Variants in CHN2 observed in about 807,000 individuals in gnomAD.
CHN2 encodes the protein beta-chimaerin.
CHN2 carries 35 observed loss-of-function variants against 56.3 expected under a neutral mutation model. The observed-to-expected ratio is 0.62, with a 90% confidence interval of 0.47 to 0.82. CHN2 has a LOEUF of 0.82. Among genes scored for constraint, CHN2 ranks in the 40% least tolerant of loss-of-function variants. The pLI, the probability that CHN2 is intolerant of heterozygous loss-of-function variation, is 0.00. For missense variants in CHN2, 491 were observed against 580.5 expected, an observed-to-expected ratio of 0.85 and a Z score of 1.58; for synonymous variants, 210 against 212.8, an observed-to-expected ratio of 0.99 and a Z score of 0.12.
At chr7:29,165,356 A>G (rs189520396) in intron 2 of CHN2, among the ~76,000 whole-genome samples, 1 of 152,204 alleles carries the variant, frequency 6.6e-6, no homozygotes, top group African/African-American at 2.4e-5. Flanking sequence ...AACAAAATTG[A>G]TTTTTATATA....
chr7:29,160,721 C>T (rs2073464799), intron 2 of CHN2, among the ~76,000 whole-genome samples: 1 of 152,140 alleles, frequency 6.6e-6, no homozygotes, highest in South Asian at 2.1e-4. Flanking sequence ...TGAGGAAAAA[C>T]CACATATGCA....
intron 1 of CHN2, among the ~76,000 whole-genome samples, chr7:29,275,884 T>C (rs1033957516): frequency 6.6e-6 from 1 of 152,172 alleles, no homozygotes; most frequent in Non-Finnish European, 1.5e-5. Flanking sequence ...AATGTTGTGC[T>C]CTGCAGGTGA....
At chr7:29,472,198 C>A (rs555295038) in intron 6 of CHN2, among the ~76,000 whole-genome samples, 10 of 151,324 alleles carry the variant, frequency 6.6e-5, no homozygotes, top group African/African-American at 2.4e-4. Context: ...TAGCAAAAAA[C>A]CAGAGTGGAC....
intron 2 of CHN2, chr7:29,184,319 ATC>A (rs1468440632): frequency 6.6e-6 from 1 of 151,656 alleles, no homozygotes; most frequent in Admixed American, 6.6e-5. Context: ...TATATCTCAT[ATC>A]TCATACATCT....
chr7:29,322,410 C>G (rs1477196052), intron 1 of CHN2, among the ~76,000 whole-genome samples: 2 of 152,230 alleles, frequency 1.3e-5, no homozygotes, highest in Non-Finnish European at 2.9e-5. Context: ...GATGATGGAA[C>G]AGCCTTTGCC....
intron 6 of CHN2, among the ~76,000 whole-genome samples, chr7:29,434,330 A>G (rs1173502358): frequency 6.6e-6 from 1 of 152,072 alleles, no homozygotes; most frequent in African/African-American, 2.4e-5. Context: ...CAGTTTCATC[A>G]GGCTGCTATA....
rs893700373 is a variant in CHN2, at chr7:29,242,884, C to CT, written c.49+47905dup. On this transcript the variant is annotated intron_variant, in intron 1 of 12. Coordinates refer to ENST00000222792, the MANE Select transcript of CHN2 (RefSeq NM_004067.4). Reference sequence around the variant, plus strand: ...TGCTTGTCTTTTTATTTCATGACAACTTTTTTTTTTTCTGGAAATGAGCTT... The same window carrying CT: ...TGCTTGTCTTTTTATTTCATGACAACTTTTTTTTTTTTCTGGAAATGAGCTT... Among the ~76,000 whole-genome samples, 133 of 142,770 alleles carry CT rather than the reference C, an allele frequency of 9.3e-4. No homozygotes were observed. In the Middle Eastern group the frequency reaches 0.011, roughly 12 times the overall value. 93.7% of individuals were successfully genotyped at this position (142,770 alleles called of 152,430 possible).
In CHN2 at chr7:29,463,864, C is replaced by G. The variant is rs1785360401; in HGVS notation, c.577-16415C>G. 2.6e-5 allele frequency among the ~76,000 whole-genome samples: 4 copies of G among 152,304 alleles called. No homozygotes were observed. In the South Asian group the frequency reaches 8.3e-4, roughly 32 times the overall value. ...GAGTGCCCAGCAGTGGTGCCTCCTGCCCTGCCTGCCTGCCTGGCACCGACA... is the reference window on the plus strand; with the variant it reads ...GAGTGCCCAGCAGTGGTGCCTCCTGGCCTGCCTGCCTGCCTGGCACCGACA... On this transcript the variant is annotated intron_variant, in intron 6 of 12. Coordinates refer to ENST00000222792, the MANE Select transcript of CHN2 (RefSeq NM_004067.4).
chr7:29,147,173 G>A (rs2128682896), intron 2 of CHN2: 1 of 648,878 alleles, frequency 1.5e-6, no homozygotes, highest in Non-Finnish European at 2.6e-6. Context: ...TGGGCATCGA[G>A]CCAGACAGTA....
intron 1 of CHN2, among the ~76,000 whole-genome samples, chr7:29,289,292 G>C (rs1305686964): frequency 3.9e-5 from 6 of 152,230 alleles, no homozygotes; most frequent in Non-Finnish European, 8.8e-5. Context: ...GCTGAGGCTA[G>C]AGGAGGAAAT....
chr7:29,220,702 C>T (rs245936), intron 1 of CHN2, among the ~76,000 whole-genome samples: 61,144 of 151,920 alleles, frequency 0.4, 12,558 homozygotes, highest in East Asian at 0.54. Flanking sequence ...ATTGCTTTAG[C>T]AATAAATTCT....
chr7:29,502,655 A>G (rs1339403778), intron 9 of CHN2, among the ~76,000 whole-genome samples: 1 of 152,240 alleles, frequency 6.6e-6, no homozygotes, highest in African/African-American at 2.4e-5. Context: ...CGCTTTGCTC[A>G]GTGAAGCATG....
Position 29,398,415 on chromosome 7 carries a change from T to G in CHN2, c.219T>G (p.Leu73=). 1 of 1,613,710 alleles carries G rather than the reference T, an allele frequency of 6.2e-7. No homozygotes were observed. The highest frequency in any genetic ancestry group is 8.5e-7 in the Non-Finnish European group (1 of 1,180,022). Residue 73 remains leucine, a synonymous_variant, in exon 5 of 13, where the codon CTT becomes CTG. Transcript: ENST00000222792. ...IISREQADEL[L]GGVEGAYILR... is the part of the protein sequence containing the mutation. ...CTCGGGAGCAGGCGGATGAGCTTCT[T>G]GGAGGCGTGGAGGGTGCCTACATCC...
At chr7:29,440,027 C>G (rs944401746) in intron 6 of CHN2, among the ~76,000 whole-genome samples, 1 of 152,108 alleles carries the variant, frequency 6.6e-6, no homozygotes, top group African/African-American at 2.4e-5. Flanking sequence ...ATACTGGTGA[C>G]AAGAAATCAT....
chr7:29,147,405 A>G, intron 2 of CHN2: 1 of 158,800 alleles, frequency 6.3e-6, no homozygotes, highest in Non-Finnish European at 1.4e-5. Context: ...AGCCAACCCG[A>G]CAGTCAGGGG....
chr7:29,453,634 T>A (rs1784552978), intron 6 of CHN2, among the ~76,000 whole-genome samples: 1 of 152,116 alleles, frequency 6.6e-6, no homozygotes, highest in Non-Finnish European at 1.5e-5. Context: ...AGAAGCATCA[T>A]TAAATTCTGG....
At chr7:29,253,149 A>G (rs192378512) in intron 1 of CHN2, among the ~76,000 whole-genome samples, 122 of 152,306 alleles carry the variant, frequency 8.0e-4, no homozygotes, top group Non-Finnish European at 1.5e-3. Flanking sequence ...TTCCCAAGAA[A>G]GTTTTCACAT....
At chr7:29,253,614 C>T (rs749234350) in intron 1 of CHN2, among the ~76,000 whole-genome samples, 12 of 152,172 alleles carry the variant, frequency 7.9e-5, no homozygotes, top group Non-Finnish European at 1.3e-4. Flanking sequence ...CTAGATGAGC[C>T]TTCCAACTAT....
rs115233562 is a variant in CHN2, at chr7:29,489,221, G to A, written c.655-6731G>A. Among the ~76,000 whole-genome samples the A allele has an allele frequency of 5.6e-3, 848 of 152,232 alleles. 11 individuals carry two copies. Among genetic ancestry groups the A allele is most frequent in the African/African-American group, 0.019 (804 of 41,532 alleles). On this transcript the variant is annotated intron_variant, in intron 7 of 12. Coordinates refer to ENST00000222792, the MANE Select transcript of CHN2 (RefSeq NM_004067.4). ...CCATTTGTCAAACATACCTTATCTC[G>A]TGTAATATCATCTTTTTTGTTTGGT...
Sources: gnomAD v4.1 joint callset for allele counts (sites outside exome capture counted in the v4.1 genomes callset) on GRCh38, gnomAD v4.1.1 for gene constraint, MANE v1.5 for transcripts, NCBI Gene and HGNC (gene_info 2026-07-23, HGNC 2026-07-21) for gene names.